The following NEB variants were observed in gnomAD, a reference collection of about 807,000 sequenced individuals.
NEB encodes nebulin.
Under a neutral mutation model 952.2 loss-of-function variants are expected in NEB, and 512 were observed. That is an observed-to-expected ratio of 0.54 (90% CI 0.50 to 0.58). The LOEUF is 0.58. NEB is among the 20% of genes least tolerant of loss of function. The probability of loss-of-function intolerance (pLI) is 0.00; values close to 1 mark genes in which losing one functional copy is unlikely to be tolerated. For synonymous variants in NEB, 2,900 were observed against 3,149.8 expected (o/e 0.92, Z 2.66); for missense variants, 8,428 against 9,231.1 (o/e 0.91, Z 3.56).
At position 151,612,275 on chromosome 2, in the gene NEB, G is replaced by C; in HGVS notation, c.11716C>G (p.Arg3906Gly). The change falls in exon 78 of 182, where the codon CGC becomes GGC. Residue 3906 changes from arginine (R) to glycine (G), a missense_variant. Physicochemically the swap from Arg to Gly is moderately radical, Grantham distance 125. Coordinates refer to ENST00000397345, the MANE Select transcript of NEB (RefSeq NM_001164508.2). ...AGEILSDRKY[R>G]QPADQLKFTC... ...AATTTGAGCTGGTCTGCAGGCTGGC[G>C]ATACTTCCTGTCACTCAGGATTTCT... 1 of 1,613,816 alleles carries C rather than the reference G, an allele frequency of 6.2e-7. No homozygotes were observed. Among genetic ancestry groups the C allele is most frequent in the Non-Finnish European group, 8.5e-7 (1 of 1,179,818 alleles).
Position 151,519,677 on chromosome 2 carries a change from G to C in NEB, c.22571C>G (p.Ala7524Gly), listed in dbSNP as rs2080600793. 1.2e-6 allele frequency: 2 copies of C among 1,609,786 alleles called. No homozygotes were observed. The highest frequency in any genetic ancestry group is 4.5e-5 in the East Asian group (2 of 44,792). The change falls in exon 154 of 182, where the codon GCT becomes GGT. Residue 7524 changes from alanine (A) to glycine (G), a missense_variant. Physicochemically the swap from Ala to Gly is moderately conservative, Grantham distance 60 (BLOSUM62 0). Transcript: ENST00000397345. ...ACATACCTCACTTGCAAGATTATTA[G>C]CATCTTTCATGACTTTGTAGAGCTG... ...DSQLYKVMKD[A>G]NNLASEVKYK... is the part of the protein sequence containing the mutation.
chr2:151,660,266 C>A (rs2099131917), intron 46 of NEB, among the ~76,000 whole-genome samples: 1 of 152,128 alleles, frequency 6.6e-6, no homozygotes, highest in South Asian at 2.1e-4. Flanking sequence ...TCCTTCTTCC[C>A]AAAGACTAGG....
chr2:151,576,508 ATATATATATTTTTTTTTTTTTTT>A lies in NEB; in HGVS notation c.16705-177_16705-155del, dbSNP rs1164456052. Among the ~76,000 whole-genome samples the A allele has an allele frequency of 1.7e-3, 87 of 49,956 alleles. 1 individual carries two copies. In the East Asian group the frequency reaches 0.051, roughly 30 times the overall value. The allele number at this position is 49,956 out of a possible 152,430, so 32.8% of individuals were successfully genotyped here. ...TACATATATATATATATATATATAT[ATATATATATTTTTTTTTTTTTTT>A]TTTTTTTTTTTTTTTTTTGAGACAG... On this transcript the variant is annotated intron_variant, in intron 105 of 181. Transcript: ENST00000397345.
chr2:151,653,970 T>C (rs1298830314), intron 52 of NEB, 22 bp downstream of exon 52: 8 of 1,517,450 alleles, frequency 5.3e-6, no homozygotes, highest in South Asian at 2.3e-5. Flanking sequence ...TATAGCCTTA[T>C]AGAACTCAAA....
chr2:151,530,766 T>A (rs2090247961), intron 145 of NEB: 4 of 394,884 alleles, frequency 1.0e-5, no homozygotes, highest in Non-Finnish European at 1.8e-5. Context: ...CACCTGGATG[T>A]CCTGGCTTGA....
At chr2:151,634,006 C>T (rs1369368364) in intron 64 of NEB, 41 bp from the exon 65 acceptor site, 1 of 1,582,740 alleles carries the variant, frequency 6.3e-7, no homozygotes. Flanking sequence ...ATTGTAACCC[C>T]TTAGAGGCCA....
At chr2:151,507,300 G>C (rs998690457) in intron 162 of NEB, among the ~76,000 whole-genome samples, 1 of 152,204 alleles carries the variant, frequency 6.6e-6, no homozygotes, top group Admixed American at 6.5e-5. Context: ...AGCAGTGATA[G>C]TTCACATTCA....
In NEB at chr2:151,679,717, TTACGTCA is replaced by T. The variant is rs1559168230; in HGVS notation, c.3252_3255+3del. 1 of 1,336,584 alleles carries T rather than the reference TTACGTCA, an allele frequency of 7.5e-7. No individual in the cohort carries two copies. Among genetic ancestry groups the T allele is most frequent in the Non-Finnish European group, 1.0e-6 (1 of 1,001,344 alleles). The allele number at this position is 1,336,584 out of a possible 1,614,324, so 82.8% of individuals were successfully genotyped here. ...TGCCCATGTATGACCACAGCTGGAC[TTACGTCA>T]CTCGCCGCCTGCCTGGCAGCTTTGG... is the stretch of plus-strand genomic sequence containing the variant. On this transcript the variant is annotated splice_donor_variant and splice_donor_region_variant and coding_sequence_variant and intron_variant, in exon 32 of 182. Transcript: ENST00000397345. LOFTEE classifies it high-confidence loss of function.
In NEB at chr2:151,538,656, CCAAA is replaced by C. The variant is rs529307236; in HGVS notation, c.20893-416_20893-413del. 4.2e-4 allele frequency among the ~76,000 whole-genome samples: 64 copies of C among 151,774 alleles called. No individual in the cohort carries two copies. The South Asian group carries it at 0.011, about 27-fold the overall frequency. Reference sequence around the variant, plus strand: ...AGTTCATTTGAGAGAAAAAAAAAACCCAAACAAACAACATTGTTGAGCCCAAGAT... The same window carrying C: ...AGTTCATTTGAGAGAAAAAAAAAACCCAAACAACATTGTTGAGCCCAAGAT... On this transcript the variant is annotated intron_variant, in intron 138 of 181. Coordinates refer to ENST00000397345, the MANE Select transcript of NEB (RefSeq NM_001164508.2).
chr2:151,529,288 T>C lies in NEB; in HGVS notation c.21657A>G (p.Arg7219=). Residue 7219 remains arginine (R), a synonymous_variant, in exon 146 of 182, where the codon AGA becomes AGG. Transcript: ENST00000397345. ...SDLKYKEVYQ[R]NKSNCTIEPD... ...GCTCAATGGTGCAGTTGGATTTATT[T>C]CTTTGGTATACTTCTTTGTATTTCA... 1.9e-6 allele frequency: 3 copies of C among 1,612,924 alleles called. No individual in the cohort carries two copies. The highest frequency in any genetic ancestry group is 2.5e-6 in the Non-Finnish European group (3 of 1,178,904).
chr2:151,616,179 C>T, intron 75 of NEB, 70 bp from the exon 76 acceptor site: 1 of 1,092,158 alleles, frequency 9.2e-7, no homozygotes. Context: ...ATTAGTTTTT[C>T]TTTGTCCTCA....
chr2:151,572,668 C>T lies in NEB; in HGVS notation c.17014-2067G>A, dbSNP rs571355263. Among the ~76,000 whole-genome samples the T allele has an allele frequency of 7.3e-5, 11 of 150,338 alleles. No individual in the cohort carries two copies. The South Asian group carries it at 2.3e-3, about 32-fold the overall frequency. ...TCAAACGATTCTTGTGCCTCAGCCA[C>T]CCAAGTAGCTGGGATTACAGGTGAG... On this transcript the variant is annotated intron_variant, in intron 107 of 181. Coordinates refer to ENST00000397345, the MANE Select transcript of NEB (RefSeq NM_001164508.2).
intron 107 of NEB, among the ~76,000 whole-genome samples, chr2:151,573,378 T>G (rs2096714578): frequency 6.6e-6 from 1 of 152,188 alleles, no homozygotes; most frequent in Non-Finnish European, 1.5e-5. Flanking sequence ...CATATGTGAC[T>G]TTCCAGAATT....
chr2:151,540,748 G>C lies in NEB; in HGVS notation c.20736C>G (p.Asn6912Lys). 1 of 1,613,642 alleles carries C rather than the reference G, an allele frequency of 6.2e-7. No homozygotes were observed. The highest frequency in any genetic ancestry group is 8.5e-7 in the Non-Finnish European group (1 of 1,179,676). The change falls in exon 137 of 182, where the codon AAC becomes AAG. Residue 6912 changes from asparagine to lysine, a missense_variant. This residue lies in a region of NEB where 3,374 missense variants were observed against 3,651.5 expected (regional missense o/e 0.92). Transcript: ENST00000397345. ...TAGCATGCTTCAAGGCTGTGGTCTG[G>C]TTTCCAGCGTGATGATGGGGTCTCT... ...TKERPHHHAG[N>K]QTTALKHAKD...
chr2:151,613,629 T>TCA, intron 77 of NEB, among the ~76,000 whole-genome samples: 1 of 152,360 alleles, frequency 6.6e-6, no homozygotes, highest in East Asian at 1.9e-4. Context: ...CATCCAGATC[T>TCA]CATGTTGAAT....
chr2:151,705,797 T>C (rs1313249786), intron 13 of NEB, among the ~76,000 whole-genome samples: 1 of 152,194 alleles, frequency 6.6e-6, no homozygotes, highest in African/African-American at 2.4e-5. Context: ...TGGAGGCCAT[T>C]ATTCTAAATG....
intron 173 of NEB, among the ~76,000 whole-genome samples, chr2:151,495,959 G>A (rs939583170): frequency 3.3e-5 from 5 of 152,090 alleles, no homozygotes; most frequent in South Asian, 2.1e-4. Context: ...ACACGTACCC[G>A]TCCTAAATTT....
At chr2:151,543,941 C>T (rs1001370762) in intron 135 of NEB, among the ~76,000 whole-genome samples, 7 of 152,190 alleles carry the variant, frequency 4.6e-5, no homozygotes, top group South Asian at 2.1e-4. Context: ...ACTCAAAAGT[C>T]GGTAACTTCT....
At chr2:151,733,394 T>C (rs1243610538) in intron 2 of NEB, among the ~76,000 whole-genome samples, 1 of 152,232 alleles carries the variant, frequency 6.6e-6, no homozygotes, top group Non-Finnish European at 1.5e-5. Context: ...GTGTTGGGAA[T>C]TGCTACTTCT....
Sources: gnomAD v4.1 joint callset for allele counts (sites outside exome capture counted in the v4.1 genomes callset) on GRCh38, gnomAD v4.1.1 for gene constraint, gnomAD v4.1.1 regional missense constraint, MANE v1.5 for transcripts, NCBI Gene and HGNC (gene_info 2026-07-23, HGNC 2026-07-21) for gene names.